CYP11A1: variants seen among roughly 807,000 people sequenced by gnomAD.
The protein encoded by CYP11A1 is cytochrome P450 family 11 subfamily A member 1, also known as cholesterol side-chain cleavage enzyme, mitochondrial.
Under a neutral mutation model 51.9 loss-of-function variants are expected in CYP11A1, and 25 were observed. The observed-to-expected ratio is 0.48, with a 90% CI of 0.35 to 0.67. The LOEUF (loss-of-function observed/expected upper bound fraction) is 0.67, where lower values mean the gene tolerates loss of function less well. CYP11A1 is among the 30% of genes least tolerant of loss of function. CYP11A1 has a pLI of 0.00. For synonymous variants in CYP11A1, 245 were observed against 262.1 expected, an observed-to-expected ratio of 0.93 and a Z score of 0.63; for missense variants, 578 against 680.9, an observed-to-expected ratio of 0.85 and a Z score of 1.68.
chr15:74,348,147 C>T (rs966244235), intron 1 of CYP11A1, 92 bp from the exon 2 acceptor site: 31 of 1,465,356 alleles, frequency 2.1e-5, no homozygotes, highest in Non-Finnish European at 2.8e-5. Flanking sequence ...CCACAACTTG[C>T]TGACTGTGGG....
intron 5 of CYP11A1, 105 bp downstream of exon 5, chr15:74,342,872 G>A (rs111269444): frequency 2.6e-5 from 31 of 1,195,228 alleles, no homozygotes; most frequent in African/African-American, 1.8e-4. Context: ...TCCTACATGA[G>A]TAGGAACGCC....
At chr15:74,365,151 C>T (rs892325171) in intron 1 of CYP11A1, among the ~76,000 whole-genome samples, 5 of 152,016 alleles carry the variant, frequency 3.3e-5, no homozygotes, top group Admixed American at 2.0e-4. Context: ...CCTGGTCTCC[C>T]CTCCCAGCCC....
At chr15:74,358,940 TA>T (rs2060694165) in intron 1 of CYP11A1, among the ~76,000 whole-genome samples, 1 of 151,980 alleles carries the variant, frequency 6.6e-6, no homozygotes, top group African/African-American at 2.4e-5. Context: ...GCCTCCAACT[TA>T]AAAAAAGGAC....
At chr15:74,346,352 CA>C (rs1231496852) in intron 2 of CYP11A1, among the ~76,000 whole-genome samples, 250 of 84,124 alleles carry the variant, frequency 3.0e-3, no homozygotes, top group Middle Eastern at 0.013. Context: ...GACTCTGCCT[CA>C]AAAAAAAAAA....
intron 5 of CYP11A1, among the ~76,000 whole-genome samples, chr15:74,340,210 A>G (rs2060600127): frequency 6.6e-6 from 1 of 152,264 alleles, no homozygotes; most frequent in Admixed American, 6.5e-5. Flanking sequence ...GGCTTCACCT[A>G]TAGCAACATG....
chr15:74,350,588 T>G (rs1301402563), intron 1 of CYP11A1, among the ~76,000 whole-genome samples: 4 of 152,208 alleles, frequency 2.6e-5, no homozygotes, highest in Non-Finnish European at 5.9e-5. Flanking sequence ...GCAGGGAACA[T>G]AAGGCCAATT....
intron 1 of CYP11A1, chr15:74,361,714 TA>T: frequency 2.4e-6 from 3 of 1,255,442 alleles, no homozygotes; most frequent in Non-Finnish European, 3.5e-6. Context: ...TGCTTTCACA[TA>T]ATTATTCCAG....
intron 1 of CYP11A1, chr15:74,362,874 G>A (rs552497635): frequency 2.8e-4 from 42 of 152,320 alleles, no homozygotes; most frequent in African/African-American, 1.0e-3. Flanking sequence ...CCCAATGTAT[G>A]TAAGAAACTT....
rs1051487436 is a variant in CYP11A1 at position 74,338,726 on chromosome 15, T to G, written c.1279A>C (p.Thr427Pro). The change falls in exon 8 of 9, where the codon ACC becomes CCC. Residue 427 changes from threonine to proline, a missense_variant. Coordinates refer to ENST00000268053, the MANE Select transcript of CYP11A1 (RefSeq NM_000781.3). The part of the protein sequence containing the change: ...VAIYALGREP[T>P]FFFDPENFDP... Reference sequence around the variant, plus strand: ...AAATTTTCCGGGTCGAAGAAGAAGGTGGGCTCTCGGCCCAGAGCATAGATG... The same window carrying G: ...AAATTTTCCGGGTCGAAGAAGAAGGGGGGCTCTCGGCCCAGAGCATAGATG... 1 of 1,614,148 alleles carries G rather than the reference T, an allele frequency of 6.2e-7. No individual in the cohort carries two copies. The highest frequency in any genetic ancestry group is 8.5e-7 in the Non-Finnish European group (1 of 1,180,018).
intron 1 of CYP11A1, chr15:74,366,998 G>A: frequency 2.5e-6 from 1 of 397,168 alleles, no homozygotes; most frequent in Non-Finnish European, 4.7e-6. Flanking sequence ...TTATGGGTGT[G>A]AGCCACCATG....
In CYP11A1 at chr15:74,339,324, G is replaced by C. The variant is rs1409825263; in HGVS notation, c.1158-9C>G. 2 of 1,613,516 alleles carry C rather than the reference G, an allele frequency of 1.2e-6. No homozygotes were observed. The highest frequency in any genetic ancestry group is 1.7e-6 in the Non-Finnish European group (2 of 1,179,406). ...CGGAGATGGGGTGAAGTCTGCGGGA[G>C]GAGGGCACTCAGAAGCTGATGGCCC... is the stretch of plus-strand genomic sequence containing the variant. On this transcript the variant is annotated splice_polypyrimidine_tract_variant and intron_variant, in intron 6 of 8. Transcript: ENST00000268053.
intron 1 of CYP11A1, among the ~76,000 whole-genome samples, chr15:74,353,487 G>A (rs2060664764): frequency 6.6e-6 from 1 of 152,110 alleles, no homozygotes; most frequent in Non-Finnish European, 1.5e-5. Context: ...TTCATACTAT[G>A]TTTACTGTTT....
At chr15:74,349,399 T>C (rs1274243336) in intron 1 of CYP11A1, among the ~76,000 whole-genome samples, 1 of 152,170 alleles carries the variant, frequency 6.6e-6, no homozygotes, top group African/African-American at 2.4e-5. Context: ...GCATGTTCTC[T>C]CTCTCTCTCC....
At chr15:74,357,686 C>G (rs189502717) in intron 1 of CYP11A1, among the ~76,000 whole-genome samples, 3 of 152,292 alleles carry the variant, frequency 2.0e-5, no homozygotes, top group African/African-American at 7.2e-5. Context: ...CAGGGCTGTG[C>G]GGTCAGAATT....
chr15:74,357,795 C>T (rs1240386486), intron 1 of CYP11A1, among the ~76,000 whole-genome samples: 3 of 152,206 alleles, frequency 2.0e-5, no homozygotes, highest in South Asian at 4.1e-4. Context: ...CGGCAGCTGT[C>T]GCTGCTTTAA....
chr15:74,367,273 T>A (rs770061898), intron 1 of CYP11A1, 44 bp downstream of exon 1: 1 of 1,603,500 alleles, frequency 6.2e-7, no homozygotes. Flanking sequence ...CCCAGGCCCC[T>A]CCTCCTCCCT....
intron 1 of CYP11A1, among the ~76,000 whole-genome samples, chr15:74,355,781 C>G (rs752987818): frequency 6.6e-6 from 1 of 152,162 alleles, no homozygotes; most frequent in Non-Finnish European, 1.5e-5. Flanking sequence ...TTTCTTTATC[C>G]GAACTCTCCC....
At position 74,361,635 on chromosome 15, in the gene CYP11A1, A is replaced by G. The variant is rs113266674; in HGVS notation, c.269+5682T>C. The G allele has an allele frequency of 4.2e-5, 50 of 1,196,694 alleles. No homozygotes were observed. The African/African-American group carries it at 4.2e-4, about 10-fold the overall frequency. The allele number at this position is 1,196,694 out of a possible 1,614,324, so 74.1% of individuals were successfully genotyped here. A position where few individuals can be genotyped will look rare whatever the true frequency, so the allele number is the denominator to read the frequency against. ...CTCCTTTGAGCTGTTTGCAGACAAG[A>G]TTCCAAAAACAGCAGAAAACTTTCA... On this transcript the variant is annotated intron_variant, in intron 1 of 8. Transcript: ENST00000268053.
At chr15:74,339,812 A>AG in intron 5 of CYP11A1, 59 bp from the exon 6 acceptor site, 1 of 1,554,746 alleles carries the variant, frequency 6.4e-7, no homozygotes, top group Non-Finnish European at 8.9e-7. Flanking sequence ...GGGCCCCTTG[A>AG]GGTCCTTGAC....
Sources: gnomAD v4.1 joint callset for allele counts (sites outside exome capture counted in the v4.1 genomes callset) on GRCh38, gnomAD v4.1.1 for gene constraint, MANE v1.5 for transcripts, NCBI Gene and HGNC (gene_info 2026-07-23, HGNC 2026-07-21) for gene names.